MTUS1: variants seen among roughly 807,000 people sequenced by gnomAD.
MTUS1 encodes microtubule associated scaffold protein 1, also known as microtubule-associated tumor suppressor 1.
A neutral mutation model predicts 120.8 loss-of-function variants in MTUS1; 109 were observed. The observed-to-expected ratio is 0.90, with a 90% CI of 0.77 to 1.06. The LOEUF (loss-of-function observed/expected upper bound fraction) is 1.06. Among genes scored for constraint, MTUS1 ranks in the 50% least tolerant of loss-of-function variants. The pLI is 0.00. For missense variants in MTUS1, 2,210 were observed against 1,486.3 expected, an observed-to-expected ratio of 1.49 and a Z score of -8.01; for synonymous variants, 737 against 550.5, an observed-to-expected ratio of 1.34 and a Z score of -4.74.
At chr8:17,673,164 T>C (rs1252651524) in intron 8 of MTUS1, among the ~76,000 whole-genome samples, 2 of 152,198 alleles carry the variant, frequency 1.3e-5, no homozygotes, top group African/African-American at 4.8e-5. Flanking sequence ...GTTGGTCATT[T>C]AGGTAATCAT....
At chr8:17,800,569 A>T (rs946762506) in intron 1 of MTUS1, 8 of 152,218 alleles carry the variant, frequency 5.3e-5, no homozygotes, top group Non-Finnish European at 7.3e-5. Flanking sequence ...TAAGTCCACT[A>T]AGCACTATAG....
chr8:17,663,730 G>C (rs930050840), intron 8 of MTUS1, among the ~76,000 whole-genome samples: 10 of 151,996 alleles, frequency 6.6e-5, no homozygotes, highest in African/African-American at 2.4e-4. Flanking sequence ...TGAGTAGCTG[G>C]GATTACAGGC....
intron 1 of MTUS1, among the ~76,000 whole-genome samples, chr8:17,798,184 C>T (rs1253286038): frequency 6.6e-6 from 1 of 152,184 alleles, no homozygotes; most frequent in Non-Finnish European, 1.5e-5. Flanking sequence ...TTAAAACTTT[C>T]TGCTCTGATT....
intron 3 of MTUS1, among the ~76,000 whole-genome samples, chr8:17,726,092 G>A (rs2046212526): frequency 1.3e-5 from 2 of 151,812 alleles, no homozygotes; most frequent in Non-Finnish European, 2.9e-5. Flanking sequence ...CCGACTGAAC[G>A]GCCTCCTTTC....
At chr8:17,783,115 C>T (rs1033305293) in intron 1 of MTUS1, among the ~76,000 whole-genome samples, 14 of 152,068 alleles carry the variant, frequency 9.2e-5, no homozygotes, top group African/African-American at 1.4e-4. Context: ...CCCTTAAGAA[C>T]GCAATGAGGA....
intron 6 of MTUS1, among the ~76,000 whole-genome samples, chr8:17,689,505 C>T (rs184365552): frequency 7.2e-5 from 11 of 152,244 alleles, no homozygotes; most frequent in Admixed American, 2.0e-4. Flanking sequence ...CAAACTTGCC[C>T]TAAACTATTT....
chr8:17,746,300 A>G (rs564158023), intron 2 of MTUS1, among the ~76,000 whole-genome samples: 1 of 152,198 alleles, frequency 6.6e-6, no homozygotes, highest in Non-Finnish European at 1.5e-5. Context: ...TGAGTTTCCC[A>G]TATACCTAAC....
intron 1 of MTUS1, among the ~76,000 whole-genome samples, chr8:17,764,539 G>A (rs1194852851): frequency 2.0e-5 from 3 of 152,058 alleles, no homozygotes; most frequent in Non-Finnish European, 4.4e-5. Context: ...TCTTCCCCAG[G>A]TCTGCTTCTT....
At chr8:17,747,894 G>C (rs1482896255) in intron 2 of MTUS1, among the ~76,000 whole-genome samples, 3 of 152,130 alleles carry the variant, frequency 2.0e-5, no homozygotes, top group Non-Finnish European at 2.9e-5. Context: ...TTACATGGAT[G>C]GCAGCAGGCA....
At chr8:17,793,975 T>TC (rs2131595142) in intron 1 of MTUS1, among the ~76,000 whole-genome samples, 1 of 152,282 alleles carries the variant, frequency 6.6e-6, no homozygotes, top group African/African-American at 2.4e-5. Flanking sequence ...TTCTTTTTTT[T>TC]CTCTTCTACC....
At chr8:17,774,067 GT>G (rs1321852344) in intron 1 of MTUS1, among the ~76,000 whole-genome samples, 1 of 152,222 alleles carries the variant, frequency 6.6e-6, no homozygotes, top group African/African-American at 2.4e-5. Flanking sequence ...GGTAAAGGCA[GT>G]CCCCAACCCA....
At chr8:17,798,388 A>T (rs1334246733) in intron 1 of MTUS1, among the ~76,000 whole-genome samples, 2 of 151,978 alleles carry the variant, frequency 1.3e-5, no homozygotes, top group African/African-American at 2.4e-5. Flanking sequence ...GCTGGAGTGC[A>T]CTGGAGTGAT....
chr8:17,731,392 G>A (rs942923090), intron 3 of MTUS1, among the ~76,000 whole-genome samples: 1 of 152,160 alleles, frequency 6.6e-6, no homozygotes, highest in Non-Finnish European at 1.5e-5. Context: ...ATAGGTTCTT[G>A]TGAGAATTAA....
intron 3 of MTUS1, among the ~76,000 whole-genome samples, chr8:17,738,936 C>G (rs997598576): frequency 6.6e-6 from 1 of 151,530 alleles, no homozygotes; most frequent in African/African-American, 2.4e-5. Context: ...CCCAGGAGTT[C>G]AAGACCAGCC....
intron 3 of MTUS1, among the ~76,000 whole-genome samples, chr8:17,727,045 G>A (rs891470303): frequency 6.6e-6 from 1 of 151,998 alleles, no homozygotes; most frequent in Non-Finnish European, 1.5e-5. Flanking sequence ...AGCTTACCCC[G>A]GCAACCAAAT....
chr8:17,781,546 A>G (rs2050876050), intron 1 of MTUS1, among the ~76,000 whole-genome samples: 1 of 152,254 alleles, frequency 6.6e-6, no homozygotes, highest in East Asian at 1.9e-4. Context: ...AGAATTATCC[A>G]GAAACATATC....
At chr8:17,784,973 C>T (rs568473391) in intron 1 of MTUS1, among the ~76,000 whole-genome samples, 10 of 151,254 alleles carry the variant, frequency 6.6e-5, no homozygotes, top group Non-Finnish European at 1.0e-4. Context: ...TTTGTAGAAA[C>T]GGGGTTTCAC....
At chr8:17,774,399 T>C (rs1263234864) in intron 1 of MTUS1, among the ~76,000 whole-genome samples, 1 of 152,130 alleles carries the variant, frequency 6.6e-6, no homozygotes, top group African/African-American at 2.4e-5. Flanking sequence ...CAGAAGAGGA[T>C]AAGGACTGGG....
At chr8:17,720,344 TAA>T (rs78717757) in intron 4 of MTUS1, among the ~76,000 whole-genome samples, 8 of 134,400 alleles carry the variant, frequency 6.0e-5, no homozygotes, top group Non-Finnish European at 4.8e-5. Context: ...AAACTCCATC[TAA>T]AAAAAAAAAA....
Sources: allele counts gnomAD v4.1 joint callset (sites outside exome capture counted in the v4.1 genomes callset), GRCh38; gene constraint gnomAD v4.1.1; transcripts MANE v1.5; gene names NCBI Gene and HGNC (gene_info 2026-07-23, HGNC 2026-07-21).